The following NRG3 variants were observed in gnomAD, a reference collection of about 807,000 sequenced individuals.
NRG3 encodes neuregulin 3, also known as pro-neuregulin-3, membrane-bound isoform.
In NRG3, 31 loss-of-function variants were observed where a neutral mutation model predicts 66.9. The ratio of observed to expected loss-of-function variants is 0.46; its 90% CI spans 0.35 to 0.63. The LOEUF (loss-of-function observed/expected upper bound fraction) is 0.63. Among genes scored for constraint, NRG3 ranks in the 20% least tolerant of loss-of-function variants. The pLI, the probability that NRG3 is intolerant of heterozygous loss-of-function variation, is 0.00. For missense variants in NRG3, 910 were observed against 878.9 expected (o/e 1.04, Z -0.45); for synonymous variants, 393 against 359.4 (o/e 1.09, Z -1.06).
At chr10:82,474,351 A>G (rs1368738856) in intron 2 of NRG3, among the ~76,000 whole-genome samples, 1 of 152,134 alleles carries the variant, frequency 6.6e-6, no homozygotes, top group Non-Finnish European at 1.5e-5. Flanking sequence ...GAAAAACATG[A>G]ATGGATGACT....
At chr10:82,191,587 C>T (rs2074145911) in intron 1 of NRG3, among the ~76,000 whole-genome samples, 1 of 152,026 alleles carries the variant, frequency 6.6e-6, no homozygotes, top group Admixed American at 6.6e-5. Flanking sequence ...TTGCAGGAGC[C>T]ATTAATAATG....
chr10:81,896,194 A>G (rs1246672243), intron 1 of NRG3, among the ~76,000 whole-genome samples: 1 of 152,084 alleles, frequency 6.6e-6, no homozygotes, highest in African/African-American at 2.4e-5. Context: ...AGAAAAGCCA[A>G]CTTAACCAGC....
intron 3 of NRG3, among the ~76,000 whole-genome samples, chr10:82,803,539 T>G (rs1372457280): frequency 6.6e-6 from 1 of 152,160 alleles, no homozygotes; most frequent in Non-Finnish European, 1.5e-5. Flanking sequence ...GTATAATTTT[T>G]CACCTTAAAG....
At chr10:82,577,143 T>C (rs372869479) in intron 2 of NRG3, among the ~76,000 whole-genome samples, 23 of 151,962 alleles carry the variant, frequency 1.5e-4, no homozygotes, top group Admixed American at 1.1e-3. Context: ...TGAAATGCAA[T>C]ATATAATTCC....
intron 3 of NRG3, among the ~76,000 whole-genome samples, chr10:82,855,711 G>T (rs981188466): frequency 2.0e-5 from 3 of 151,674 alleles, no homozygotes; most frequent in African/African-American, 7.3e-5. Flanking sequence ...TGCCTTCATT[G>T]ATACTAATGT....
At chr10:82,684,413 C>T (rs2054345561) in intron 2 of NRG3, among the ~76,000 whole-genome samples, 1 of 152,072 alleles carries the variant, frequency 6.6e-6, no homozygotes. Context: ...ACGTATAATG[C>T]TAGTTGATGC....
intron 1 of NRG3, chr10:81,878,221 A>G: frequency 1.4e-6 from 1 of 720,538 alleles, no homozygotes; most frequent in Non-Finnish European, 2.2e-6. Context: ...AAATCTGTAA[A>G]TGGTGTCAAT....
chr10:82,941,767 T>A (rs968976489), intron 4 of NRG3, among the ~76,000 whole-genome samples: 1 of 152,194 alleles, frequency 6.6e-6, no homozygotes, highest in Non-Finnish European at 1.5e-5. Flanking sequence ...ATTGTTGTAT[T>A]ATGATGACTT....
At position 82,720,810 on chromosome 10, in the gene NRG3, C is replaced by CATATACATATATATATATATATATAT. The variant is rs571675177; in HGVS notation, c.954-17762_954-17761insCATATATATATATATATATATATATA. Among the ~76,000 whole-genome samples the CATATACATATATATATATATATATAT allele has an allele frequency of 8.1e-4, 93 of 114,668 alleles. 2 individuals carry two copies. The highest frequency in any genetic ancestry group is 3.1e-3 in the African/African-American group (70 of 22,802). The allele number at this position is 114,668 out of a possible 152,430, so 75.2% of individuals were successfully genotyped here. On this transcript the variant is annotated intron_variant, in intron 2 of 8. Transcript: ENST00000372141. ...AACACATATATAGGAGTATTTTATA[C>CATATACATATATATATATATATATAT]ATATATATATATATATATATATATA... is the stretch of plus-strand genomic sequence containing the variant.
intron 4 of NRG3, among the ~76,000 whole-genome samples, chr10:82,872,408 T>C (rs930211095): frequency 1.3e-5 from 2 of 152,138 alleles, no homozygotes; most frequent in African/African-American, 4.8e-5. Flanking sequence ...GAAGCACACG[T>C]CTTCTTCCCA....
intron 1 of NRG3, among the ~76,000 whole-genome samples, chr10:82,291,286 TA>T (rs1354100475): frequency 3.3e-5 from 5 of 152,110 alleles, no homozygotes; most frequent in Admixed American, 3.3e-4. Context: ...ATGTAAACTT[TA>T]AAAAACATAA....
chr10:82,899,867 G>C (rs1564614745), intron 4 of NRG3, among the ~76,000 whole-genome samples: 1 of 152,152 alleles, frequency 6.6e-6, no homozygotes, highest in Non-Finnish European at 1.5e-5. Flanking sequence ...GGTTACGAGA[G>C]GGGTAGAGGA....
At chr10:82,812,967 C>A (rs1407072483) in intron 3 of NRG3, among the ~76,000 whole-genome samples, 3 of 151,890 alleles carry the variant, frequency 2.0e-5, no homozygotes, top group Non-Finnish European at 4.4e-5. Flanking sequence ...AAATGTGAAC[C>A]AAGATTTTAC....
Position 82,569,743 on chromosome 10 carries a change from A to G in NRG3, c.954-168834A>G, listed in dbSNP as rs192640309. Among the ~76,000 whole-genome samples the G allele has an allele frequency of 1.7e-3, 259 of 151,776 alleles. No individual in the cohort carries two copies. In the Middle Eastern group the frequency reaches 0.027, roughly 16 times the overall value. The stretch of plus-strand genomic sequence containing the variant: ...CACTCTTTGCTAGATAAGTTCATTC[A>G]TACCATAACATAAATTCCCATCTAT... On this transcript the variant is annotated intron_variant, in intron 2 of 8. Transcript: ENST00000372141.
At chr10:82,349,634 C>G (rs1415220682) in intron 1 of NRG3, among the ~76,000 whole-genome samples, 1 of 151,988 alleles carries the variant, frequency 6.6e-6, no homozygotes, top group Non-Finnish European at 1.5e-5. Flanking sequence ...CTAAGCAAGC[C>G]TGGGCAATGG....
chr10:82,845,646 A>G (rs2063277530), intron 3 of NRG3, among the ~76,000 whole-genome samples: 1 of 152,244 alleles, frequency 6.6e-6, no homozygotes, highest in African/African-American at 2.4e-5. Context: ...AACAGAAAAT[A>G]AGTCAATGCA....
At chr10:82,305,505 G>A (rs557542123) in intron 1 of NRG3, among the ~76,000 whole-genome samples, 1 of 152,244 alleles carries the variant, frequency 6.6e-6, no homozygotes, top group East Asian at 1.9e-4. Context: ...TGGCATGTAA[G>A]TGATGGAGAG....
intron 1 of NRG3, among the ~76,000 whole-genome samples, chr10:82,045,001 A>G (rs890848316): frequency 2.0e-5 from 3 of 151,494 alleles, no homozygotes; most frequent in Admixed American, 6.6e-5. Context: ...AGTCTTTGCT[A>G]TTGTGAATAG....
intron 3 of NRG3, among the ~76,000 whole-genome samples, chr10:82,800,490 T>G (rs953685873): frequency 6.6e-6 from 1 of 152,180 alleles, no homozygotes; most frequent in African/African-American, 2.4e-5. Context: ...TATTGAACTC[T>G]GTTTTACAGT....
Sources: gnomAD v4.1 joint callset for allele counts (sites outside exome capture counted in the v4.1 genomes callset) on GRCh38, gnomAD v4.1.1 for gene constraint, MANE v1.5 for transcripts, NCBI Gene and HGNC (gene_info 2026-07-23, HGNC 2026-07-21) for gene names.